ST18: variants seen among roughly 807,000 people sequenced by gnomAD.
The protein encoded by ST18 is ST18 C2H2C-type zinc finger transcription factor.
ST18 carries 50 observed loss-of-function variants against 110.0 expected under a neutral mutation model. That is an observed-to-expected ratio of 0.45 (90% CI 0.36 to 0.58). ST18 has a LOEUF of 0.58. ST18 is among the 20% of genes least tolerant of loss of function. The pLI, the probability that ST18 is intolerant of heterozygous loss-of-function variation, is 0.00. For synonymous variants in ST18, 461 were observed against 452.4 expected (o/e 1.02, Z -0.24); for missense variants, 1,306 against 1,280.1 (o/e 1.02, Z -0.31).
intron 25 of ST18, among the ~76,000 whole-genome samples, chr8:52,114,071 G>A (rs1025767548): frequency 7.3e-6 from 1 of 136,584 alleles, no homozygotes; most frequent in Admixed American, 8.3e-5. Flanking sequence ...CCAGGTTCAA[G>A]CGATTCTCCT....
chr8:52,371,786 A>T (rs1186472749), intron 2 of ST18, among the ~76,000 whole-genome samples: 1 of 152,220 alleles, frequency 6.6e-6, no homozygotes, highest in East Asian at 1.9e-4. Context: ...TGTCACAGCC[A>T]TCCTGATGTC....
intron 2 of ST18, among the ~76,000 whole-genome samples, chr8:52,401,685 CT>C (rs1338776024): frequency 6.6e-6 from 1 of 152,006 alleles, no homozygotes; most frequent in East Asian, 1.9e-4. Flanking sequence ...TCTTTGTGGA[CT>C]TTCTCATTCA....
chr8:52,399,990 A>T (rs1468850039), intron 2 of ST18, among the ~76,000 whole-genome samples: 15 of 152,174 alleles, frequency 9.9e-5, no homozygotes, highest in Non-Finnish European at 2.9e-5. Flanking sequence ...TGATCTATCC[A>T]TTGATGAAAG....
At chr8:52,149,581 T>G in intron 16 of ST18, 151 bp downstream of exon 16, 1 of 1,175,120 alleles carries the variant, frequency 8.5e-7, no homozygotes, top group Non-Finnish European at 1.1e-6. Context: ...CCTCTGACAT[T>G]AAAAATCACC....
At chr8:52,355,543 T>C (rs114987586) in intron 2 of ST18, among the ~76,000 whole-genome samples, 443 of 152,372 alleles carry the variant, frequency 2.9e-3, no homozygotes, top group African/African-American at 0.01. Context: ...TCTAGGGCTC[T>C]ATTCATCCAC....
chr8:52,359,831 A>G (rs1378281786), intron 2 of ST18, among the ~76,000 whole-genome samples: 4 of 152,174 alleles, frequency 2.6e-5, no homozygotes, highest in Non-Finnish European at 5.9e-5. Flanking sequence ...TTTGATTGCT[A>G]TAATTAAATT....
At chr8:52,302,977 C>T (rs1424816857) in intron 2 of ST18, among the ~76,000 whole-genome samples, 1 of 152,066 alleles carries the variant, frequency 6.6e-6, no homozygotes, top group Non-Finnish European at 1.5e-5. Context: ...AACTTTCTTA[C>T]CTAGTCTCAA....
At chr8:52,161,137 G>A (rs1253242946) in intron 14 of ST18, among the ~76,000 whole-genome samples, 1 of 152,198 alleles carries the variant, frequency 6.6e-6, no homozygotes, top group African/African-American at 2.4e-5. Flanking sequence ...CATCATATTT[G>A]TAGAATAATT....
chr8:52,129,451 C>CAAAAAAAAA (rs34059224), intron 22 of ST18, among the ~76,000 whole-genome samples: 1 of 72,246 alleles, frequency 1.4e-5, no homozygotes, highest in Admixed American at 1.7e-4. Flanking sequence ...GAGACTCCAT[C>CAAAAAAAAA]AAAAAAAAAA....
At chr8:52,367,093 G>T (rs986223687) in intron 2 of ST18, among the ~76,000 whole-genome samples, 1 of 152,246 alleles carries the variant, frequency 6.6e-6, no homozygotes, top group African/African-American at 2.4e-5. Flanking sequence ...TTAGCTGGGC[G>T]TGGTGGTGCA....
chr8:52,325,699 C>A (rs983978376), intron 2 of ST18, among the ~76,000 whole-genome samples: 4 of 152,126 alleles, frequency 2.6e-5, no homozygotes, highest in African/African-American at 9.7e-5. Context: ...ATATAAAATT[C>A]TATGTTTTTA....
intron 2 of ST18, among the ~76,000 whole-genome samples, chr8:52,286,169 A>G (rs7013766): frequency 0.017 from 2,611 of 152,340 alleles, 68 homozygotes; most frequent in African/African-American, 0.06. Flanking sequence ...AGAGGATCAT[A>G]TATCAGTGAA....
intron 2 of ST18, among the ~76,000 whole-genome samples, chr8:52,383,540 C>G (rs1470057949): frequency 6.6e-6 from 1 of 151,998 alleles, no homozygotes; most frequent in African/African-American, 2.4e-5. Context: ...CCTCTGCCTC[C>G]CGGGTTCAAC....
intron 2 of ST18, among the ~76,000 whole-genome samples, chr8:52,312,534 G>A (rs2095938044): frequency 6.6e-6 from 1 of 152,206 alleles, no homozygotes; most frequent in African/African-American, 2.4e-5. Context: ...CGATTCACCA[G>A]AAAGGATCCA....
intron 2 of ST18, among the ~76,000 whole-genome samples, chr8:52,342,683 A>G (rs778327801): frequency 1.3e-5 from 2 of 152,132 alleles, no homozygotes. Flanking sequence ...GAGACTCTGC[A>G]TTTCTAATGG....
intron 19 of ST18, among the ~76,000 whole-genome samples, chr8:52,133,844 C>T (rs1205503864): frequency 6.6e-6 from 1 of 152,090 alleles, no homozygotes; most frequent in Non-Finnish European, 1.5e-5. Flanking sequence ...GATTCTCCTG[C>T]CTCAGCCTCC....
intron 8 of ST18, among the ~76,000 whole-genome samples, chr8:52,182,075 G>A (rs1329059786): frequency 6.6e-5 from 10 of 152,106 alleles, no homozygotes; most frequent in East Asian, 1.9e-4. Context: ...AGATCATTAA[G>A]CCATTATCAT....
intron 2 of ST18, among the ~76,000 whole-genome samples, chr8:52,367,235 C>CACACACACACACA (rs1455266686): frequency 7.7e-6 from 1 of 130,442 alleles, no homozygotes; most frequent in East Asian, 2.3e-4. Flanking sequence ...GGGACCCTGT[C>CACACACACACACA]TCACACACAC....
intron 2 of ST18, among the ~76,000 whole-genome samples, chr8:52,256,480 A>G (rs1219431828): frequency 6.6e-6 from 1 of 152,178 alleles, no homozygotes; most frequent in Non-Finnish European, 1.5e-5. Flanking sequence ...CTCCTGCCTC[A>G]GTCTCCCAAA....
Sources: allele counts gnomAD v4.1 joint callset (sites outside exome capture counted in the v4.1 genomes callset), GRCh38; gene constraint gnomAD v4.1.1; transcripts MANE v1.5; gene names NCBI Gene and HGNC (gene_info 2026-07-23, HGNC 2026-07-21).